Variants in IGFL2 observed in about 807,000 individuals in gnomAD.
IGFL2 encodes insulin growth factor-like family member 2.
In IGFL2, 7 loss-of-function variants were observed where a neutral mutation model predicts 13.9. The ratio of observed to expected loss-of-function variants is 0.51; its 90% confidence interval spans 0.29 to 0.95. The LOEUF is 0.95. Among genes scored for constraint, IGFL2 ranks in the 40% least tolerant of loss-of-function variants. The probability of loss-of-function intolerance (pLI) is 0.08; values close to 1 mark genes in which losing one functional copy is unlikely to be tolerated. For synonymous variants in IGFL2, 55 were observed against 55.8 expected (o/e 0.99, Z 0.07); for missense variants, 138 against 147.8 (o/e 0.93, Z 0.34).
At chr19:46,185,756 T>C in the IGFL2 span, among the ~76,000 whole-genome samples, 1 of 152,220 alleles carries the variant, frequency 6.6e-6, no homozygotes, top group Non-Finnish European at 1.5e-5. Flanking sequence ...TACTGATGTT[T>C]ATTGTTGTTA....
intron 1 of IGFL2, among the ~76,000 whole-genome samples, chr19:46,156,856 C>A (rs1973851993): frequency 1.3e-5 from 2 of 152,052 alleles, no homozygotes; most frequent in Admixed American, 6.5e-5. Context: ...AGAGTTAATT[C>A]TTTGAAAAGA....
At chr19:46,146,722 A>G (rs1297685733), upstream of IGFL2, among the ~76,000 whole-genome samples, 1 of 151,962 alleles carries the variant, frequency 6.6e-6, no homozygotes, top group Non-Finnish European at 1.5e-5. Flanking sequence ...TTTTTTCTTT[A>G]AATTATTGTA....
At chr19:46,171,208 G>A in the IGFL2 span, among the ~76,000 whole-genome samples, 7 of 152,038 alleles carry the variant, frequency 4.6e-5, no homozygotes, top group South Asian at 2.1e-4. Context: ...CAGACTGGCC[G>A]ACACTTAGGG....
the IGFL2 span, among the ~76,000 whole-genome samples, chr19:46,174,211 C>G: frequency 6.6e-6 from 1 of 152,200 alleles, no homozygotes; most frequent in Non-Finnish European, 1.5e-5. Context: ...TAGGACCGAC[C>G]ACAGAATTTT....
the IGFL2 span, chr19:46,136,610 C>A: frequency 2.7e-6 from 1 of 368,988 alleles, no homozygotes; most frequent in Admixed American, 3.7e-5. Context: ...TTGAAGACAT[C>A]TCAGTAACAG....
the IGFL2 span, among the ~76,000 whole-genome samples, chr19:46,181,500 T>C: frequency 2.6e-5 from 4 of 152,236 alleles, no homozygotes; most frequent in African/African-American, 7.2e-5. Flanking sequence ...CAACTACCTC[T>C]GTAGATCACA....
the IGFL2 span, chr19:46,123,945 CA>C: frequency 6.8e-6 from 11 of 1,611,366 alleles, no homozygotes; most frequent in Non-Finnish European, 9.3e-6. Context: ...CCAGAACCCT[CA>C]ACTTCACAAG....
At chr19:46,173,794 A>T in the IGFL2 span, 1 of 152,244 alleles carries the variant, frequency 6.6e-6, no homozygotes, top group Non-Finnish European at 1.5e-5. Context: ...CAAGGGCAGG[A>T]AATTGTAAAC....
chr19:46,132,930 C>G, the IGFL2 span, among the ~76,000 whole-genome samples: 1 of 151,900 alleles, frequency 6.6e-6, no homozygotes, highest in Non-Finnish European at 1.5e-5. Context: ...ACCCAAACCA[C>G]TAAGGATTAG....
At chr19:46,180,360 G>T in the IGFL2 span, among the ~76,000 whole-genome samples, 1 of 152,026 alleles carries the variant, frequency 6.6e-6, no homozygotes, top group Non-Finnish European at 1.5e-5. Flanking sequence ...TGTGTTTTTA[G>T]TAGAGACAGG....
chr19:46,164,728 A>C (rs1444835373), downstream of IGFL2: 1 of 152,220 alleles, frequency 6.6e-6, no homozygotes, highest in Non-Finnish European at 1.5e-5. Flanking sequence ...TGCTGACCTG[A>C]GTAGATGGAG....
the IGFL2 span, among the ~76,000 whole-genome samples, chr19:46,215,011 T>A: frequency 6.6e-6 from 1 of 152,000 alleles, no homozygotes; most frequent in Non-Finnish European, 1.5e-5. Flanking sequence ...GATCAGCACA[T>A]CCCATCAGTG....
At chr19:46,086,933 G>A in the IGFL2 span, among the ~76,000 whole-genome samples, 3 of 152,116 alleles carry the variant, frequency 2.0e-5, no homozygotes, top group South Asian at 2.1e-4. Context: ...GTGGCTTAGG[G>A]TGCAATTGTT....
the IGFL2 span, chr19:46,124,192 G>C: frequency 2.6e-5 from 42 of 1,609,808 alleles, no homozygotes; most frequent in Non-Finnish European, 3.4e-5. Context: ...ATCCAAGGAA[G>C]AACAGATACT....
the IGFL2 span, among the ~76,000 whole-genome samples, chr19:46,175,478 G>A: frequency 2.0e-5 from 3 of 152,068 alleles, no homozygotes; most frequent in Non-Finnish European, 2.9e-5. Context: ...AAATTTAAGA[G>A]GGTGTCAAAA....
At chr19:46,133,222 C>T in the IGFL2 span, among the ~76,000 whole-genome samples, 2 of 152,122 alleles carry the variant, frequency 1.3e-5, no homozygotes, top group Non-Finnish European at 2.9e-5. Context: ...GGAATGGGTG[C>T]TCGGTGTCAC....
the IGFL2 span, among the ~76,000 whole-genome samples, chr19:46,123,139 T>A: frequency 2.0e-5 from 3 of 150,966 alleles, 1 homozygote; most frequent in South Asian, 4.2e-4. Flanking sequence ...ATAGTTTTTT[T>A]AATTTTATGA....
chr19:46,148,419 G>A (rs374641126), intron 1 of IGFL2, 122 bp downstream of exon 1: 41 of 871,770 alleles, frequency 4.7e-5, no homozygotes, highest in Middle Eastern at 4.4e-4. Context: ...ATAATCACCC[G>A]TGTCCTCTCT....
At chr19:46,200,262 A>T in the IGFL2 span, among the ~76,000 whole-genome samples, 1 of 151,188 alleles carries the variant, frequency 6.6e-6, no homozygotes, top group Non-Finnish European at 1.5e-5. Flanking sequence ...TCCACTTCTC[A>T]GGCTCAGGAA....
Sources: gnomAD v4.1 joint callset for allele counts (sites outside exome capture counted in the v4.1 genomes callset) on GRCh38, gnomAD v4.1.1 for gene constraint, MANE v1.5 for transcripts, NCBI Gene and HGNC (gene_info 2026-07-23, HGNC 2026-07-21) for gene names.